ZNF407: variants seen among roughly 807,000 people sequenced by gnomAD.
ZNF407 encodes the protein zinc finger protein 407.
A neutral mutation model predicts 131.2 loss-of-function variants in ZNF407; 17 were observed. The observed-to-expected ratio is 0.13, with a 90% CI of 0.09 to 0.19. ZNF407 has a LOEUF of 0.19. ZNF407 is among the 10% of genes least tolerant of loss of function. The pLI is 1.00. For synonymous variants in ZNF407, 1,156 were observed against 1,062.0 expected, an observed-to-expected ratio of 1.09 and a Z score of -1.72; for missense variants, 2,681 against 2,830.6, an observed-to-expected ratio of 0.95 and a Z score of 1.20.
intron 4 of ZNF407, among the ~76,000 whole-genome samples, chr18:74,849,778 C>G (rs570937008): frequency 2.0e-5 from 3 of 152,248 alleles, no homozygotes; most frequent in African/African-American, 7.2e-5. Context: ...GTGCCAGCTT[C>G]AAGAAAAGAT....
chr18:74,937,543 A>G (rs962795722), intron 8 of ZNF407, among the ~76,000 whole-genome samples: 3 of 152,212 alleles, frequency 2.0e-5, no homozygotes. Context: ...TTTATCAGTC[A>G]GGGTTCGACC....
At chr18:74,847,373 T>C (rs1166296239) in intron 4 of ZNF407, among the ~76,000 whole-genome samples, 1 of 152,186 alleles carries the variant, frequency 6.6e-6, no homozygotes, top group Non-Finnish European at 1.5e-5. Flanking sequence ...TGAAAAATAC[T>C]TGGCTTTCTA....
At chr18:74,825,012 TA>T (rs1970390423) in intron 4 of ZNF407, among the ~76,000 whole-genome samples, 1 of 152,134 alleles carries the variant, frequency 6.6e-6, no homozygotes, top group African/African-American at 2.4e-5. Flanking sequence ...GCTTATCCGC[TA>T]CGATCAAGTC....
At chr18:74,788,614 G>GAA (rs375763179) in intron 4 of ZNF407, among the ~76,000 whole-genome samples, 1,838 of 117,354 alleles carry the variant, frequency 0.016, 47 homozygotes, top group African/African-American at 0.052. Flanking sequence ...TGGTTATCTT[G>GAA]AAAAAAAAAA....
At chr18:75,060,568 C>T (rs1170384078) in intron 8 of ZNF407, among the ~76,000 whole-genome samples, 1 of 144,356 alleles carries the variant, frequency 6.9e-6, no homozygotes, top group Non-Finnish European at 1.5e-5. Flanking sequence ...TGCGATGGCG[C>T]GGTCTCGGCT....
At chr18:74,679,177 G>A (rs1417461290) in intron 3 of ZNF407, among the ~76,000 whole-genome samples, 1 of 152,200 alleles carries the variant, frequency 6.6e-6, no homozygotes, top group African/African-American at 2.4e-5. Context: ...AAGGGCACAG[G>A]AAACGTTAAT....
intron 3 of ZNF407, among the ~76,000 whole-genome samples, chr18:74,674,084 G>A (rs990195524): frequency 3.3e-5 from 5 of 152,176 alleles, no homozygotes; most frequent in African/African-American, 4.8e-5. Flanking sequence ...TTGATGCTTC[G>A]TCTCATTAAT....
At chr18:74,966,327 A>T (rs950639946) in intron 8 of ZNF407, among the ~76,000 whole-genome samples, 6 of 151,970 alleles carry the variant, frequency 3.9e-5, no homozygotes, top group African/African-American at 1.5e-4. Flanking sequence ...ATCCATTTTT[A>T]TTTGATTTTT....
At chr18:74,902,843 A>C (rs558953945) in intron 7 of ZNF407, among the ~76,000 whole-genome samples, 1 of 152,202 alleles carries the variant, frequency 6.6e-6, no homozygotes, top group South Asian at 2.1e-4. Flanking sequence ...GCCTATGGCA[A>C]CGTAGTATAA....
intron 3 of ZNF407, among the ~76,000 whole-genome samples, chr18:74,643,503 T>A (rs1984819333): frequency 6.6e-6 from 1 of 151,980 alleles, no homozygotes; most frequent in African/African-American, 2.4e-5. Context: ...ATTATTTGAG[T>A]TTTAAGGAGT....
At chr18:74,604,592 A>G (rs1392327892) in intron 1 of ZNF407, among the ~76,000 whole-genome samples, 1 of 152,258 alleles carries the variant, frequency 6.6e-6, no homozygotes, top group Non-Finnish European at 1.5e-5. Context: ...ATGTAGACAC[A>G]GCCTTATCTT....
At chr18:74,637,026 T>G (rs1405525584) in intron 2 of ZNF407, among the ~76,000 whole-genome samples, 1 of 152,222 alleles carries the variant, frequency 6.6e-6, no homozygotes, top group African/African-American at 2.4e-5. Flanking sequence ...GAGCTCTTTT[T>G]AGAATTCTTT....
At chr18:74,761,150 T>C (rs1024662785) in intron 3 of ZNF407, among the ~76,000 whole-genome samples, 25 of 152,166 alleles carry the variant, frequency 1.6e-4, no homozygotes, top group Non-Finnish European at 5.9e-5. Context: ...AAATTTACTT[T>C]ATATTTATTG....
At chr18:74,680,821 C>A (rs147591025) in intron 3 of ZNF407, among the ~76,000 whole-genome samples, 1 of 151,884 alleles carries the variant, frequency 6.6e-6, no homozygotes. Flanking sequence ...CTTAAATATA[C>A]GAAAGTAAAA....
At chr18:74,988,340 A>G (rs1972677710) in intron 8 of ZNF407, among the ~76,000 whole-genome samples, 1 of 152,140 alleles carries the variant, frequency 6.6e-6, no homozygotes, top group African/African-American at 2.4e-5. Flanking sequence ...TGACTTTGAG[A>G]TATTCAGAGA....
At chr18:74,850,441 G>T (rs112022181) in intron 4 of ZNF407, among the ~76,000 whole-genome samples, 3 of 151,986 alleles carry the variant, frequency 2.0e-5, no homozygotes, top group Non-Finnish European at 4.4e-5. Context: ...TTCTATCCAC[G>T]CATTCTACTC....
chr18:74,739,623 A>G (rs1178714097), intron 3 of ZNF407, among the ~76,000 whole-genome samples: 1 of 152,110 alleles, frequency 6.6e-6, no homozygotes, highest in Non-Finnish European at 1.5e-5. Flanking sequence ...GAAAGGAGGT[A>G]CATGATTATA....
intron 8 of ZNF407, among the ~76,000 whole-genome samples, chr18:75,030,896 AC>A (rs1973232148): frequency 6.6e-6 from 1 of 152,148 alleles, no homozygotes; most frequent in South Asian, 2.1e-4. Context: ...CACTGGAGTG[AC>A]TGCATGCCAG....
At chr18:74,793,495 A>G (rs967846443) in intron 4 of ZNF407, among the ~76,000 whole-genome samples, 2 of 152,234 alleles carry the variant, frequency 1.3e-5, no homozygotes, top group African/African-American at 4.8e-5. Flanking sequence ...TTAGTCCTTT[A>G]GTACAAAAAC....
Sources: allele counts gnomAD v4.1 joint callset (sites outside exome capture counted in the v4.1 genomes callset), GRCh38; gene constraint gnomAD v4.1.1; transcripts MANE v1.5; gene names NCBI Gene and HGNC (gene_info 2026-07-23, HGNC 2026-07-21).